NEGR1: variants seen among roughly 807,000 people sequenced by gnomAD.
NEGR1 encodes the protein neuronal growth regulator 1.
NEGR1 carries 10 observed loss-of-function variants against 40.9 expected under a neutral mutation model. The ratio of observed to expected loss-of-function variants is 0.24; its 90% CI spans 0.15 to 0.42. The LOEUF (loss-of-function observed/expected upper bound fraction) is 0.42. NEGR1 is among the 10% of genes least tolerant of loss of function. NEGR1 has a pLI of 1.00. For synonymous variants in NEGR1, 185 were observed against 166.8 expected (o/e 1.11, Z -0.84); for missense variants, 352 against 438.9 (o/e 0.80, Z 1.77).
At chr1:72,201,227 T>C (rs1653192729) in intron 1 of NEGR1, among the ~76,000 whole-genome samples, 1 of 151,662 alleles carries the variant, frequency 6.6e-6, no homozygotes, top group Admixed American at 6.6e-5. Flanking sequence ...AAGTACTTGG[T>C]TATAGCTTTG....
At chr1:71,980,744 C>T (rs1480165350) in intron 1 of NEGR1, among the ~76,000 whole-genome samples, 1 of 152,130 alleles carries the variant, frequency 6.6e-6, no homozygotes, top group Non-Finnish European at 1.5e-5. Context: ...GCGCAAAGCT[C>T]AAACTCTCTA....
At chr1:71,727,190 C>T (rs1654701841) in intron 3 of NEGR1, among the ~76,000 whole-genome samples, 1 of 152,058 alleles carries the variant, frequency 6.6e-6, no homozygotes, top group Non-Finnish European at 1.5e-5. Flanking sequence ...TCCATTCCTA[C>T]CTACTTCCTT....
intron 4 of NEGR1, among the ~76,000 whole-genome samples, chr1:71,667,407 G>A (rs1889633): frequency 1 from 152,164 of 152,258 alleles, 76,035 homozygotes; most frequent in Middle Eastern, 1. Context: ...GTGAATGATA[G>A]CTCTAGAAAT....
intron 3 of NEGR1, among the ~76,000 whole-genome samples, chr1:71,762,987 C>A (rs1330420566): frequency 6.6e-6 from 1 of 151,380 alleles, no homozygotes; most frequent in East Asian, 1.9e-4. Flanking sequence ...AAGAATGAAC[C>A]TTAGAACACC....
At chr1:71,914,414 C>T (rs185796060) in intron 2 of NEGR1, among the ~76,000 whole-genome samples, 3 of 152,128 alleles carry the variant, frequency 2.0e-5, no homozygotes, top group South Asian at 2.1e-4. Context: ...CAAAGTTGTG[C>T]TCTGAATGGA....
chr1:71,879,392 T>C (rs1033755062), intron 2 of NEGR1, among the ~76,000 whole-genome samples: 2 of 152,152 alleles, frequency 1.3e-5, no homozygotes, highest in Admixed American at 6.5e-5. Context: ...AAGATAATAC[T>C]TTTTAAAAAC....
In NEGR1 at chr1:71,999,632, AATATATATATAT is replaced by A. The variant is rs528857972; in HGVS notation, c.177-64333_177-64322del. Among the ~76,000 whole-genome samples, 228 of 48,354 alleles carry A rather than the reference AATATATATATAT, an allele frequency of 4.7e-3. 7 individuals are homozygous for A. Among genetic ancestry groups the A allele is most frequent in the African/African-American group, 7.8e-3 (83 of 10,696 alleles). The allele number at this position is 48,354 out of a possible 152,430, so 31.7% of individuals were successfully genotyped here. A position where few individuals can be genotyped will look rare whatever the true frequency, so the allele number is the denominator to read the frequency against. ...ATGTATTTGCATCTTGAGCAAAGCA[AATATATATATAT>A]ATATATATATATATATATATATATA... On this transcript the variant is annotated intron_variant, in intron 1 of 6. Transcript: ENST00000357731.
At chr1:71,914,414 C>A (rs185796060) in intron 2 of NEGR1, among the ~76,000 whole-genome samples, 1 of 152,246 alleles carries the variant, frequency 6.6e-6, no homozygotes, top group East Asian at 1.9e-4. Context: ...CAAAGTTGTG[C>A]TCTGAATGGA....
intron 1 of NEGR1, among the ~76,000 whole-genome samples, chr1:72,065,044 A>T (rs1433792581): frequency 6.6e-6 from 1 of 152,090 alleles, no homozygotes; most frequent in Non-Finnish European, 1.5e-5. Context: ...GTATTCCAAG[A>T]AAACAACTCT....
At chr1:71,937,494 A>G (rs1645916599) in intron 1 of NEGR1, among the ~76,000 whole-genome samples, 1 of 152,148 alleles carries the variant, frequency 6.6e-6, no homozygotes, top group African/African-American at 2.4e-5. Flanking sequence ...TTGCGTGTTC[A>G]TAACAACTCT....
chr1:71,536,187 A>T (rs1647508089), intron 6 of NEGR1, among the ~76,000 whole-genome samples: 1 of 151,842 alleles, frequency 6.6e-6, no homozygotes, highest in Non-Finnish European at 1.5e-5. Flanking sequence ...ATTTTTTCCA[A>T]TTATAACATG....
chr1:72,259,765 C>T (rs938261706), intron 1 of NEGR1, among the ~76,000 whole-genome samples: 1 of 152,004 alleles, frequency 6.6e-6, no homozygotes, highest in African/African-American at 2.4e-5. Flanking sequence ...ATGGGGAAGA[C>T]GAATAATTGT....
At chr1:72,059,322 C>T (rs1164352665) in intron 1 of NEGR1, among the ~76,000 whole-genome samples, 1 of 151,548 alleles carries the variant, frequency 6.6e-6, no homozygotes, top group African/African-American at 2.4e-5. Context: ...CTGATCACCC[C>T]TCATGCTGCA....
At chr1:71,757,269 G>C (rs1655776785) in intron 3 of NEGR1, among the ~76,000 whole-genome samples, 1 of 152,026 alleles carries the variant, frequency 6.6e-6, no homozygotes, top group African/African-American at 2.4e-5. Flanking sequence ...TCAAAGTGCT[G>C]TCTTCTGATA....
chr1:71,780,758 C>T (rs182118968), intron 2 of NEGR1, among the ~76,000 whole-genome samples: 2 of 152,274 alleles, frequency 1.3e-5, no homozygotes, highest in East Asian at 1.9e-4. Flanking sequence ...GGAGATAATG[C>T]GTATTTAGAT....
At chr1:71,826,034 A>G (rs1216043180) in intron 2 of NEGR1, among the ~76,000 whole-genome samples, 2 of 151,922 alleles carry the variant, frequency 1.3e-5, no homozygotes, top group African/African-American at 2.4e-5. Context: ...AAGATGCATG[A>G]TAGAAGATAC....
intron 6 of NEGR1, among the ~76,000 whole-genome samples, chr1:71,524,342 G>GTGTGTT (rs1553147995): frequency 6.6e-6 from 1 of 151,206 alleles, no homozygotes; most frequent in Non-Finnish European, 1.5e-5. Flanking sequence ...GTGTGTGTGT[G>GTGTGTT]TGTGTGTGTG....
At chr1:72,089,258 G>A (rs755263789) in intron 1 of NEGR1, among the ~76,000 whole-genome samples, 1 of 152,058 alleles carries the variant, frequency 6.6e-6, no homozygotes. Flanking sequence ...ATAACAACCC[G>A]AGTTTGAGTT....
intron 4 of NEGR1, among the ~76,000 whole-genome samples, chr1:71,686,009 G>C (rs1653024285): frequency 6.7e-6 from 1 of 148,350 alleles, no homozygotes; most frequent in Admixed American, 6.9e-5. Flanking sequence ...AAAATCATAG[G>C]TAGCCTCAAA....
Sources: gnomAD v4.1 joint callset for allele counts (sites outside exome capture counted in the v4.1 genomes callset) on GRCh38, gnomAD v4.1.1 for gene constraint, MANE v1.5 for transcripts, NCBI Gene and HGNC (gene_info 2026-07-23, HGNC 2026-07-21) for gene names.